The following LIFR variants were observed in gnomAD, a reference collection of about 807,000 sequenced individuals.
The protein encoded by LIFR is leukemia inhibitory factor receptor.
LIFR carries 84 observed loss-of-function variants against 122.2 expected under a neutral mutation model. That is an observed-to-expected ratio of 0.69 (90% CI 0.58 to 0.82). LIFR has a LOEUF of 0.82. Among genes scored for constraint, LIFR ranks in the 40% least tolerant of loss-of-function variants. LIFR has a pLI of 0.00. For synonymous variants in LIFR, 422 were observed against 434.7 expected (o/e 0.97, Z 0.36); for missense variants, 1,294 against 1,311.6 (o/e 0.99, Z 0.21).
intron 7 of LIFR, among the ~76,000 whole-genome samples, chr5:38,509,634 C>T (rs1745686959): frequency 6.6e-6 from 1 of 152,168 alleles, no homozygotes; most frequent in African/African-American, 2.4e-5. Context: ...CTATCTTATA[C>T]ACATTATTCA....
At chr5:38,605,156 C>T (rs1226038912) in intron 2 of LIFR, among the ~76,000 whole-genome samples, 2 of 152,038 alleles carry the variant, frequency 1.3e-5, no homozygotes, top group African/African-American at 2.4e-5. Flanking sequence ...CAATGAGGCA[C>T]GTCTGGCCTC....
Position 38,489,376 on chromosome 5 carries a change from CAG to C in LIFR, c.2168-133_2168-132del, listed in dbSNP as rs1319668941. 5.1e-6 allele frequency: 4 copies of C among 791,948 alleles called. No homozygotes were observed. The South Asian group carries it at 6.2e-5, about 12-fold the overall frequency. The allele number at this position is 791,948 out of a possible 1,614,324, so 49.1% of individuals were successfully genotyped here. ...AAAACTTTATTTAATCATAAACTTT[CAG>C]AGAGAGATGATCACAAACGCTTTTT... is the stretch of plus-strand genomic sequence containing the variant. On this transcript the variant is annotated intron_variant, in intron 15 of 19. Coordinates refer to ENST00000453190, the MANE Select transcript of LIFR (RefSeq NM_001127671.2).
intron 9 of LIFR, among the ~76,000 whole-genome samples, 195 bp from the exon 10 acceptor site, chr5:38,504,316 T>C (rs1452080183): frequency 6.7e-6 from 1 of 149,012 alleles, no homozygotes; most frequent in Non-Finnish European, 1.5e-5. Context: ...AAACAATCGA[T>C]CATGCTCAAA....
chr5:38,528,846 GGA>G lies in LIFR; in HGVS notation c.143-8_143-7del, dbSNP rs2112564894. On this transcript the variant is annotated splice_region_variant and splice_polypyrimidine_tract_variant and intron_variant, in intron 2 of 19. Coordinates refer to ENST00000453190, the MANE Select transcript of LIFR (RefSeq NM_001127671.2). ...CTTCAAATCATGAGGAGCCCCTGGAGGAGACACACACACACACACACACACAC... is the reference window on the plus strand; with the variant it reads ...CTTCAAATCATGAGGAGCCCCTGGAGGACACACACACACACACACACACAC... 1 of 1,306,306 alleles carries G rather than the reference GGA, an allele frequency of 7.7e-7. No individual in the cohort carries two copies. Among genetic ancestry groups the G allele is most frequent in the Non-Finnish European group, 1.1e-6 (1 of 943,998 alleles). The allele number at this position is 1,306,306 out of a possible 1,614,324, so 80.9% of individuals were successfully genotyped here. A position where few individuals can be genotyped will look rare whatever the true frequency, so the allele number is the denominator to read the frequency against.
intron 5 of LIFR, among the ~76,000 whole-genome samples, chr5:38,518,235 C>A (rs1420304911): frequency 1.3e-5 from 2 of 151,988 alleles, no homozygotes; most frequent in Non-Finnish European, 2.9e-5. Context: ...ATATATATTT[C>A]TTATAAAATA....
chr5:38,530,972 T>C (rs1746976871), intron 1 of LIFR: 2 of 256,518 alleles, frequency 7.8e-6, no homozygotes, highest in South Asian at 1.3e-4. Flanking sequence ...ACTCCAACTC[T>C]ACTAAAATGT....
chr5:38,520,807 C>T (rs1432818069), intron 5 of LIFR, among the ~76,000 whole-genome samples: 1 of 152,178 alleles, frequency 6.6e-6, no homozygotes, highest in Non-Finnish European at 1.5e-5. Flanking sequence ...TGTTTTTATA[C>T]AAGTAACATG....
In LIFR at chr5:38,482,055, A is replaced by G; in HGVS notation, c.2834T>C (p.Val945Ala). ...GATGGGTGGACAATAGGACACAACC[A>G]CATGGTTTTCAGGCTCTGCATCAGA... ...DRSDAEPENHVVVSYCPPIIE... is the reference protein window; with the variant it reads ...DRSDAEPENHAVVSYCPPIIE... The change falls in exon 20 of 20, where the codon GTG becomes GCG. Residue 945 changes from valine to alanine, a missense_variant. Val to Ala is a moderately conservative substitution (Grantham distance 64). Transcript: ENST00000453190. 6.2e-7 allele frequency: 1 copy of G among 1,611,226 alleles called. No homozygotes were observed. Among genetic ancestry groups the G allele is most frequent in the Non-Finnish European group, 8.5e-7 (1 of 1,178,488 alleles).
In LIFR at chr5:38,510,649, AATGTT is replaced by A; in HGVS notation, c.801_805del (p.Thr268LeufsTer24). 1 of 1,613,744 alleles carries A rather than the reference AATGTT, an allele frequency of 6.2e-7. No individual in the cohort carries two copies. The highest frequency in any genetic ancestry group is 1.1e-5 in the South Asian group (1 of 91,074). ...CACTTTTTCTTGACTCACACAACAA[AATGTT>A]ATGTCTGAGCCTACAAGTATCACTT... On this transcript the variant is annotated frameshift_variant, in exon 7 of 20. Transcript: ENST00000453190. LOFTEE classifies it high-confidence loss of function.
At chr5:38,556,212 C>T (rs563042472) in intron 1 of LIFR, 122 bp downstream of exon 1, 2 of 152,170 alleles carry the variant, frequency 1.3e-5, no homozygotes, top group African/African-American at 4.8e-5. Context: ...GGGTCACTCC[C>T]CTAGGACGCT....
upstream of LIFR, among the ~76,000 whole-genome samples, chr5:38,560,661 A>G (rs955464698): frequency 2.0e-5 from 3 of 151,534 alleles, no homozygotes; most frequent in African/African-American, 4.9e-5. Flanking sequence ...CAGTGGTGCA[A>G]TCTCGGCTCA....
chr5:38,494,102 A>G (rs1744746726), intron 13 of LIFR, among the ~76,000 whole-genome samples: 1 of 152,180 alleles, frequency 6.6e-6, no homozygotes, highest in Non-Finnish European at 1.5e-5. Context: ...GCAGCTAAGG[A>G]CACTGGCTGG....
intron 1 of LIFR, among the ~76,000 whole-genome samples, chr5:38,538,721 G>A (rs545829573): frequency 3.9e-5 from 6 of 151,990 alleles, no homozygotes; most frequent in Non-Finnish European, 8.8e-5. Flanking sequence ...TCACTCTCTG[G>A]CATACGTAAT....
intron 7 of LIFR, among the ~76,000 whole-genome samples, chr5:38,507,896 TAATG>T (rs1745585254): frequency 6.6e-6 from 1 of 152,164 alleles, no homozygotes; most frequent in Non-Finnish European, 1.5e-5. Context: ...TTAAGAGGAT[TAATG>T]AGTGTTTATA....
Position 38,502,720 on chromosome 5 carries a change from G to T in LIFR, c.1517C>A (p.Thr506Asn), listed in dbSNP as rs1264340150. 2 of 1,610,816 alleles carry T rather than the reference G, an allele frequency of 1.2e-6. No homozygotes were observed. Among genetic ancestry groups the T allele is most frequent in the East Asian group, 2.2e-5 (1 of 44,828 alleles). ...TTCAGTAGAACAACGAATCCGAAAA[G>T]TATATAGAGTGTATGGATTTAACTT... ...LDKLNPYTLY[T>N]FRIRCSTETF... Residue 506 changes from threonine (T) to asparagine (N), a missense_variant, in exon 11 of 20, where the codon ACT (threonine) becomes AAT (asparagine). Thr to Asn is a moderately conservative substitution (Grantham distance 65). Transcript: ENST00000453190.
rs187413729 is a variant in LIFR at position 38,519,414 on chromosome 5, G to A, written c.561+4005C>T. Among the ~76,000 whole-genome samples, 14 of 152,148 alleles carry A rather than the reference G, an allele frequency of 9.2e-5. No individual in the cohort carries two copies. The East Asian group carries it at 2.7e-3, about 29-fold the overall frequency. On this transcript the variant is annotated intron_variant, in intron 5 of 19. Transcript: ENST00000453190. ...ACAGAATGTGTAATGATCAAGTCAG[G>A]GTATTTGGGGTATCCATTATCTCAT... is the stretch of plus-strand genomic sequence containing the variant.
chr5:38,538,587 C>G (rs375572709), intron 1 of LIFR, among the ~76,000 whole-genome samples: 2 of 152,278 alleles, frequency 1.3e-5, no homozygotes, highest in East Asian at 1.9e-4. Context: ...CTGAGTAACC[C>G]TGACTCTTCC....
chr5:38,520,738 T>C (rs1449170248), intron 5 of LIFR, among the ~76,000 whole-genome samples: 1 of 152,192 alleles, frequency 6.6e-6, no homozygotes, highest in African/African-American at 2.4e-5. Flanking sequence ...AAAGATAAGT[T>C]TGCTATAAAA....
intron 14 of LIFR, among the ~76,000 whole-genome samples, chr5:38,492,127 C>CCCA (rs1419939732): frequency 6.6e-6 from 1 of 152,126 alleles, no homozygotes; most frequent in Non-Finnish European, 1.5e-5. Context: ...AGACAATATT[C>CCCA]CCAGCCTCTT....
Sources: gnomAD v4.1 joint callset for allele counts (sites outside exome capture counted in the v4.1 genomes callset) on GRCh38, gnomAD v4.1.1 for gene constraint, MANE v1.5 for transcripts, NCBI Gene and HGNC (gene_info 2026-07-23, HGNC 2026-07-21) for gene names.